STIM2: variants seen among roughly 807,000 people sequenced by gnomAD.
STIM2 encodes the protein stromal interaction molecule 2.
In STIM2, 31 loss-of-function variants were observed where a neutral mutation model predicts 85.8. The ratio of observed to expected loss-of-function variants is 0.36; its 90% CI spans 0.27 to 0.49. The LOEUF (loss-of-function observed/expected upper bound fraction) is 0.49. Among genes scored for constraint, STIM2 ranks in the 20% least tolerant of loss-of-function variants. STIM2 has a pLI of 0.98. For synonymous variants in STIM2, 356 were observed against 331.1 expected (o/e 1.08, Z -0.82); for missense variants, 841 against 927.6 (o/e 0.91, Z 1.21).
chr4:26,990,669 G>A (rs1042701267), intron 3 of STIM2, among the ~76,000 whole-genome samples: 10 of 152,100 alleles, frequency 6.6e-5, no homozygotes, highest in African/African-American at 2.4e-4. Flanking sequence ...TGGGGTGGGA[G>A]AAAATTTGCA....
intron 1 of STIM2, among the ~76,000 whole-genome samples, chr4:26,861,998 C>T (rs2109419316): frequency 6.6e-6 from 1 of 152,236 alleles, no homozygotes; most frequent in East Asian, 1.9e-4. Flanking sequence ...GTGGTGGGAG[C>T]ATCACTGGGT....
intron 1 of STIM2, among the ~76,000 whole-genome samples, chr4:26,871,950 T>A (rs564763661): frequency 6.6e-6 from 1 of 152,326 alleles, no homozygotes; most frequent in Admixed American, 6.5e-5. Flanking sequence ...TTTGGGTAGA[T>A]GATTTAGTCT....
At chr4:27,004,949 A>T (rs1728280900) in intron 7 of STIM2, among the ~76,000 whole-genome samples, 1 of 152,226 alleles carries the variant, frequency 6.6e-6, no homozygotes, top group African/African-American at 2.4e-5. Context: ...TCATTTACAA[A>T]TGAGCTGTGT....
At chr4:26,908,138 T>C (rs912305469) in intron 1 of STIM2, among the ~76,000 whole-genome samples, 35 of 152,214 alleles carry the variant, frequency 2.3e-4, no homozygotes, top group Non-Finnish European at 7.4e-5. Flanking sequence ...ATTTCCTTTT[T>C]GAAAGTAGTG....
chr4:26,917,986 A>C (rs1724650025), intron 1 of STIM2, among the ~76,000 whole-genome samples: 1 of 152,120 alleles, frequency 6.6e-6, no homozygotes, highest in South Asian at 2.1e-4. Context: ...TATGCCTCCG[A>C]GTTCTTGGAT....
In STIM2 at chr4:27,008,523, A is replaced by C; in HGVS notation, c.1245A>C (p.Glu415Asp). 3 of 1,589,092 alleles carry C rather than the reference A, an allele frequency of 1.9e-6. No homozygotes were observed. The highest frequency in any genetic ancestry group is 2.6e-6 in the Non-Finnish European group (3 of 1,168,066). Residue 415 changes from glutamate (E) to aspartate (D), a missense_variant, in exon 9 of 12, where the codon GAA (glutamate) becomes GAC (aspartate). Coordinates refer to ENST00000467087, the MANE Select transcript of STIM2 (RefSeq NM_020860.4). ...ATGAGGTAGACCACAAAATTCTGGA[A>C]GCAAAGTAAGAATGTTGTTTTCACT... is the stretch of plus-strand genomic sequence containing the variant.
chr4:26,982,970 C>T (rs1727453796), intron 3 of STIM2, among the ~76,000 whole-genome samples: 1 of 152,158 alleles, frequency 6.6e-6, no homozygotes, highest in Non-Finnish European at 1.5e-5. Context: ...GTCCTGACCC[C>T]ACGGGCTGCT....
At chr4:26,957,560 T>A in intron 2 of STIM2, 52 bp from the exon 3 acceptor site, 1 of 1,088,380 alleles carries the variant, frequency 9.2e-7, no homozygotes, top group Non-Finnish European at 1.3e-6. Flanking sequence ...TCTCTAGTTG[T>A]CAAGACTAAG....
intron 2 of STIM2, among the ~76,000 whole-genome samples, chr4:26,943,426 T>A (rs1298918702): frequency 6.6e-6 from 1 of 152,210 alleles, no homozygotes; most frequent in East Asian, 1.9e-4. Context: ...TCTTTTTTGT[T>A]GTTGTTTAAA....
chr4:26,928,116 C>T (rs1246634026), intron 2 of STIM2, among the ~76,000 whole-genome samples: 1 of 151,750 alleles, frequency 6.6e-6, no homozygotes, highest in Non-Finnish European at 1.5e-5. Context: ...AGTAGAAGGC[C>T]CAAGAGGCAA....
At chr4:26,904,042 C>T (rs144628080) in intron 1 of STIM2, among the ~76,000 whole-genome samples, 2,305 of 151,270 alleles carry the variant, frequency 0.015, 52 homozygotes, top group African/African-American at 0.053. Context: ...GTGTGCTGCA[C>T]CCATTAACTC....
At chr4:26,977,361 T>A (rs547570287) in intron 3 of STIM2, among the ~76,000 whole-genome samples, 2 of 152,336 alleles carry the variant, frequency 1.3e-5, no homozygotes, top group African/African-American at 4.8e-5. Context: ...ATTTACTATA[T>A]GGATAATGTA....
intron 3 of STIM2, among the ~76,000 whole-genome samples, chr4:26,987,406 A>G (rs10019691): frequency 0.32 from 48,390 of 152,072 alleles, 7,779 homozygotes; most frequent in East Asian, 0.39. Context: ...TGATAGCAGC[A>G]TGGGTGAGGA....
At chr4:27,000,645 G>A (rs745666460) in intron 5 of STIM2, among the ~76,000 whole-genome samples, 2 of 152,034 alleles carry the variant, frequency 1.3e-5, no homozygotes, top group Non-Finnish European at 2.9e-5. Context: ...AATCAAACTA[G>A]TCTCAAAAAA....
intron 2 of STIM2, among the ~76,000 whole-genome samples, chr4:26,956,459 T>A (rs911302624): frequency 8.6e-5 from 13 of 150,766 alleles, no homozygotes; most frequent in African/African-American, 2.7e-4. Context: ...TTTTTTTTTT[T>A]AAGAGACAGG....
At chr4:26,885,376 A>G (rs1342905700) in intron 1 of STIM2, among the ~76,000 whole-genome samples, 1 of 152,112 alleles carries the variant, frequency 6.6e-6, no homozygotes, top group Non-Finnish European at 1.5e-5. Context: ...TGAAATCAGT[A>G]TGTGCCTTTG....
chr4:26,967,557 A>G (rs1726769613), intron 3 of STIM2, among the ~76,000 whole-genome samples: 1 of 152,208 alleles, frequency 6.6e-6, no homozygotes, highest in Non-Finnish European at 1.5e-5. Flanking sequence ...CCTCCTGAAT[A>G]ATTCTTCATT....
chr4:26,997,087 G>T (rs1367519934), intron 4 of STIM2, among the ~76,000 whole-genome samples: 1 of 152,058 alleles, frequency 6.6e-6, no homozygotes, highest in South Asian at 2.1e-4. Context: ...GAGGAGAAAG[G>T]AGAACAGTAA....
chr4:26,888,699 G>A (rs184620175), intron 1 of STIM2, among the ~76,000 whole-genome samples: 57 of 152,268 alleles, frequency 3.7e-4, no homozygotes, highest in African/African-American at 1.3e-3. Flanking sequence ...CCCAATTTAA[G>A]TAGTCCTTAA....
Sources: gnomAD v4.1 joint callset for allele counts (sites outside exome capture counted in the v4.1 genomes callset) on GRCh38, gnomAD v4.1.1 for gene constraint, MANE v1.5 for transcripts, NCBI Gene and HGNC (gene_info 2026-07-23, HGNC 2026-07-21) for gene names.